The following EHD4 variants were observed in gnomAD, a reference collection of about 807,000 sequenced individuals.
The protein encoded by EHD4 is EH domain containing 4.
EHD4 carries 37 observed loss-of-function variants against 51.0 expected under a neutral mutation model. The observed-to-expected ratio is 0.73, with a 90% CI of 0.56 to 0.95. EHD4 has a LOEUF of 0.95. Ranked by LOEUF, EHD4 falls within the 40% of genes least tolerant of loss-of-function variation. EHD4 has a pLI of 0.00. For synonymous variants in EHD4, 297 were observed against 317.3 expected (o/e 0.94, Z 0.68); for missense variants, 632 against 733.1 (o/e 0.86, Z 1.59).
At chr15:41,939,678 T>A (rs974783702) in intron 3 of EHD4, among the ~76,000 whole-genome samples, 3 of 151,408 alleles carry the variant, frequency 2.0e-5, no homozygotes, top group Non-Finnish European at 4.4e-5. Flanking sequence ...CAGGCACCTG[T>A]AGTCCCAGCT....
intron 2 of EHD4, among the ~76,000 whole-genome samples, chr15:41,944,694 G>C (rs1434960127): frequency 2.0e-5 from 3 of 152,200 alleles, no homozygotes; most frequent in African/African-American, 7.2e-5. Flanking sequence ...AAAAGTTGAA[G>C]CACAAAGCAG....
intron 3 of EHD4, among the ~76,000 whole-genome samples, chr15:41,940,207 TC>T (rs1380424226): frequency 2.0e-5 from 3 of 151,824 alleles, no homozygotes; most frequent in Non-Finnish European, 4.4e-5. Context: ...CTTTCCTCCT[TC>T]CCAGGCACAA....
Position 41,900,637 on chromosome 15 carries a change from C to T in EHD4, c.*8G>A, listed in dbSNP as rs1315584007. Reference sequence around the variant, plus strand: ...CCCCAGTTCCCACCCCGTTCTGCAGCCCACCCCTCAGTCGGCCTTGGGCAG... The same window carrying T: ...CCCCAGTTCCCACCCCGTTCTGCAGTCCACCCCTCAGTCGGCCTTGGGCAG... On this transcript the variant is annotated 3_prime_UTR_variant, in exon 6 of 6. Coordinates refer to ENST00000220325, the MANE Select transcript of EHD4 (RefSeq NM_139265.4). The surrounding 1 kb of genome is among the most constrained non-coding windows in gnomAD (Gnocchi z 4.8). The T allele has an allele frequency of 6.3e-7, 1 of 1,577,070 alleles. No individual in the cohort carries two copies. Among genetic ancestry groups the T allele is most frequent in the East Asian group, 2.3e-5 (1 of 44,190 alleles).
At chr15:41,956,695 G>A (rs2067890528) in intron 1 of EHD4, among the ~76,000 whole-genome samples, 1 of 152,142 alleles carries the variant, frequency 6.6e-6, no homozygotes, top group Non-Finnish European at 1.5e-5. Flanking sequence ...TGAAGTCAAA[G>A]GTGTCCCCCT....
At chr15:41,919,653 C>T (rs754240080) in intron 3 of EHD4, 31 bp from the exon 4 acceptor site, 8 of 1,495,380 alleles carry the variant, frequency 5.3e-6, no homozygotes, top group Non-Finnish European at 7.1e-6. Context: ...GTCAGTGTAG[C>T]CACTGCTGCA....
At chr15:41,955,609 T>C (rs897134821) in intron 1 of EHD4, among the ~76,000 whole-genome samples, 5 of 152,160 alleles carry the variant, frequency 3.3e-5, no homozygotes, top group African/African-American at 1.2e-4. Context: ...TCAAAATGTG[T>C]TCAGCTTTAA....
At chr15:41,963,296 TA>T (rs35077069) in intron 1 of EHD4, among the ~76,000 whole-genome samples, 144 of 126,942 alleles carry the variant, frequency 1.1e-3, no homozygotes, top group African/African-American at 2.6e-3. Flanking sequence ...CAATAAATAC[TA>T]AAAAAAAAAA....
At chr15:41,901,281 T>G in intron 5 of EHD4, 100 bp from the exon 6 acceptor site, 2 of 1,288,316 alleles carry the variant, frequency 1.6e-6, no homozygotes, top group African/African-American at 3.0e-5. Context: ...CAGGCAGACG[T>G]CCCACCCACT....
chr15:41,971,131 T>C (rs1300451743), intron 1 of EHD4, among the ~76,000 whole-genome samples: 1 of 152,254 alleles, frequency 6.6e-6, no homozygotes, highest in Non-Finnish European at 1.5e-5. Flanking sequence ...ATTTAACATA[T>C]TTCCTGTAGT....
intron 4 of EHD4, among the ~76,000 whole-genome samples, chr15:41,914,437 CT>C (rs1279097665): frequency 6.6e-6 from 1 of 151,888 alleles, no homozygotes; most frequent in Non-Finnish European, 1.5e-5. Context: ...GAGTGTGAGA[CT>C]GTGAGAGGCA....
intron 1 of EHD4, among the ~76,000 whole-genome samples, chr15:41,969,782 G>A (rs912957043): frequency 2.0e-4 from 31 of 152,096 alleles, no homozygotes; most frequent in African/African-American, 7.2e-4. Context: ...CTCCTTCTCT[G>A]GCCAATTCTT....
intron 3 of EHD4, among the ~76,000 whole-genome samples, chr15:41,930,408 C>T (rs1480732544): frequency 6.6e-6 from 1 of 152,142 alleles, no homozygotes; most frequent in Non-Finnish European, 1.5e-5. Flanking sequence ...CAGACTCCAC[C>T]CAAATGTGAT....
intron 1 of EHD4, among the ~76,000 whole-genome samples, chr15:41,956,672 G>A (rs1345219570): frequency 6.6e-6 from 1 of 152,200 alleles, no homozygotes; most frequent in African/African-American, 2.4e-5. Context: ...TGTGCTTCAA[G>A]TGTGAAATAA....
At chr15:41,964,205 A>C (rs921423297) in intron 1 of EHD4, among the ~76,000 whole-genome samples, 3 of 152,060 alleles carry the variant, frequency 2.0e-5, no homozygotes, top group African/African-American at 7.2e-5. Context: ...AATTGGACAA[A>C]GTTCACAGAC....
At chr15:41,934,672 T>C (rs944210831) in intron 3 of EHD4, among the ~76,000 whole-genome samples, 14 of 152,114 alleles carry the variant, frequency 9.2e-5, no homozygotes, top group African/African-American at 3.4e-4. Flanking sequence ...GGGCTCACCG[T>C]GCTAGTCTTC....
chr15:41,968,178 T>C (rs1442268962), intron 1 of EHD4, among the ~76,000 whole-genome samples: 1 of 152,202 alleles, frequency 6.6e-6, no homozygotes, highest in Non-Finnish European at 1.5e-5. Flanking sequence ...CCACTCCAGC[T>C]TCTTGATCCT....
At chr15:41,934,180 G>C (rs1021683536) in intron 3 of EHD4, among the ~76,000 whole-genome samples, 7 of 152,056 alleles carry the variant, frequency 4.6e-5, no homozygotes, top group African/African-American at 1.7e-4. Flanking sequence ...GGATGGCAGG[G>C]TATGTAGGAG....
At chr15:41,922,563 A>G (rs2067633633) in intron 3 of EHD4, among the ~76,000 whole-genome samples, 1 of 152,182 alleles carries the variant, frequency 6.6e-6, no homozygotes, top group Admixed American at 6.5e-5. Context: ...GCTTGTGCCA[A>G]CCCAGCCGTG....
intron 3 of EHD4, among the ~76,000 whole-genome samples, chr15:41,921,027 G>A (rs2067621713): frequency 6.6e-6 from 1 of 152,230 alleles, no homozygotes; most frequent in East Asian, 1.9e-4. Flanking sequence ...TGCGGACTAA[G>A]GTTTCCATGC....
Sources: gnomAD v4.1 joint callset for allele counts (sites outside exome capture counted in the v4.1 genomes callset) on GRCh38, gnomAD v4.1.1 for gene constraint, Gnocchi (gnomAD v3.1) non-coding constraint, MANE v1.5 for transcripts, NCBI Gene and HGNC (gene_info 2026-07-23, HGNC 2026-07-21) for gene names.